AAK1: variants seen among roughly 807,000 people sequenced by gnomAD.
The protein encoded by AAK1 is AP2-associated protein kinase 1.
In AAK1, 37 loss-of-function variants were observed where a neutral mutation model predicts 116.0. That is an observed-to-expected ratio of 0.32 (90% CI 0.25 to 0.42). AAK1 has a LOEUF of 0.42. Ranked by LOEUF, AAK1 falls within the 10% of genes least tolerant of loss-of-function variation. AAK1 has a pLI of 1.00. For missense variants in AAK1, 919 were observed against 1,170.6 expected (o/e 0.79, Z 3.14); for synonymous variants, 458 against 439.9 (o/e 1.04, Z -0.51).
At chr2:69,641,726 A>G (rs1256908498) in intron 2 of AAK1, among the ~76,000 whole-genome samples, 2 of 152,154 alleles carry the variant, frequency 1.3e-5, no homozygotes, top group Non-Finnish European at 2.9e-5. Flanking sequence ...GGCCCAGGTC[A>G]GGACCCTTGC....
At chr2:69,548,658 G>A (rs1671034533) in intron 3 of AAK1, among the ~76,000 whole-genome samples, 1 of 151,266 alleles carries the variant, frequency 6.6e-6, no homozygotes, top group South Asian at 2.1e-4. Context: ...AGGCTGGAGT[G>A]CAGTGGCACA....
At chr2:69,621,273 C>A (rs1038949649) in intron 2 of AAK1, among the ~76,000 whole-genome samples, 1 of 152,128 alleles carries the variant, frequency 6.6e-6, no homozygotes, top group Non-Finnish European at 1.5e-5. Context: ...GTCGGGAGTT[C>A]GAGACCAGCT....
At position 69,643,084 on chromosome 2, in the gene AAK1, G is replaced by GAT. The variant is rs1319643997; in HGVS notation, c.-46_-45dup. ...CAAAGCAAAATACCGATGGTTTCTA[G>GAT]ATTTTTTTTTTTTTTTTTTTTTTTT... On this transcript the variant is annotated 5_prime_UTR_variant, in exon 2 of 22. Transcript: ENST00000409085. 1.8e-5 allele frequency: 19 copies of GAT among 1,057,316 alleles called. No individual in the cohort carries two copies. Among genetic ancestry groups the GAT allele is most frequent in the Non-Finnish European group, 2.2e-5 (18 of 820,800 alleles). The allele number at this position is 1,057,316 out of a possible 1,614,324, so 65.5% of individuals were successfully genotyped here.
At position 69,532,028 on chromosome 2, in the gene AAK1, A is replaced by T; in HGVS notation, c.656+13T>A. ...ATTGTGGACAAAACTCCATGAAAGGAGAAAAAGCTTACTTCTTAATCTCAT... is the reference window on the plus strand; with the variant it reads ...ATTGTGGACAAAACTCCATGAAAGGTGAAAAAGCTTACTTCTTAATCTCAT... On this transcript the variant is annotated intron_variant, in intron 6 of 21. Coordinates refer to ENST00000409085, the MANE Select transcript of AAK1 (RefSeq NM_014911.5). 6.2e-7 allele frequency: 1 copy of T among 1,612,528 alleles called. No homozygotes were observed. The highest frequency in any genetic ancestry group is 1.3e-5 in the African/African-American group (1 of 74,974).
chr2:69,614,859 G>A (rs1674252979), intron 2 of AAK1, among the ~76,000 whole-genome samples: 1 of 152,108 alleles, frequency 6.6e-6, no homozygotes, highest in African/African-American at 2.4e-5. Context: ...TGGAGTGATG[G>A]AGCCACAAAC....
chr2:69,477,110 G>A, intron 20 of AAK1, 120 bp from the exon 21 acceptor site: 1 of 570,426 alleles, frequency 1.8e-6, no homozygotes, highest in South Asian at 3.2e-5. Flanking sequence ...AAAGGTGAAA[G>A]GATTTATCTT....
intron 2 of AAK1, among the ~76,000 whole-genome samples, chr2:69,577,588 C>A (rs2105135122): frequency 6.6e-6 from 1 of 152,320 alleles, no homozygotes; most frequent in South Asian, 2.1e-4. Flanking sequence ...CAGTGGAGAT[C>A]ATTTCCCAGA....
intron 2 of AAK1, among the ~76,000 whole-genome samples, chr2:69,608,240 T>A (rs752280861): frequency 1.3e-5 from 2 of 152,184 alleles, no homozygotes; most frequent in Non-Finnish European, 2.9e-5. Flanking sequence ...CCAACAGCTT[T>A]CCTCAGAGCC....
At position 69,472,634 on chromosome 2, in the gene AAK1, T is replaced by C. The variant is rs1674717549; in HGVS notation, c.*3235A>G. ...CTGAGGTATGTATTTTTGAAAACATTGGGACTCATTTGAATGTTGTAAAGG... is the reference window on the plus strand; with the variant it reads ...CTGAGGTATGTATTTTTGAAAACATCGGGACTCATTTGAATGTTGTAAAGG... On this transcript the variant is annotated 3_prime_UTR_variant, in exon 22 of 22. Transcript: ENST00000409085. 2.0e-6 allele frequency: 2 copies of C among 985,312 alleles called. No individual in the cohort carries two copies. The highest frequency in any genetic ancestry group is 1.7e-5 in the African/African-American group (1 of 57,244). 61.0% of individuals were successfully genotyped at this position (985,312 alleles called of 1,614,324 possible).
In AAK1 at chr2:69,532,135, C is replaced by G; in HGVS notation, c.562G>C (p.Gly188Arg). Reference sequence around the variant, plus strand: ...CCAAAGTCACACAGGACATAGTGGCCTCGGTCATGCAAGAGGATGTTTTCA... The same window carrying G: ...CCAAAGTCACACAGGACATAGTGGCGTCGGTCATGCAAGAGGATGTTTTCA... ...KVENILLHDR[G>R]HYVLCDFGSA... The change falls in exon 6 of 22, where the codon GGC (glycine) becomes CGC (arginine). Residue 188 changes from glycine (G) to arginine (R), a missense_variant. Physicochemically the swap from Gly to Arg is moderately radical, Grantham distance 125 (BLOSUM62 -2). Transcript: ENST00000409085. 6.2e-7 allele frequency: 1 copy of G among 1,613,566 alleles called. No individual in the cohort carries two copies. Among genetic ancestry groups the G allele is most frequent in the Non-Finnish European group, 8.5e-7 (1 of 1,179,614 alleles).
intron 2 of AAK1, among the ~76,000 whole-genome samples, chr2:69,571,316 A>G (rs1178742121): frequency 6.6e-6 from 1 of 152,214 alleles, no homozygotes; most frequent in Admixed American, 6.5e-5. Flanking sequence ...CTACACAACC[A>G]TGTAGACTAG....
intron 2 of AAK1, among the ~76,000 whole-genome samples, chr2:69,566,138 C>T (rs954271251): frequency 1.3e-5 from 2 of 152,182 alleles, no homozygotes; most frequent in South Asian, 2.1e-4. Context: ...TGAGCTCCCA[C>T]AAGGAATGAC....
chr2:69,560,056 A>C (rs1386746333), intron 2 of AAK1, among the ~76,000 whole-genome samples: 1 of 152,234 alleles, frequency 6.6e-6, no homozygotes, highest in Non-Finnish European at 1.5e-5. Context: ...GAATCACTTT[A>C]CTTAACACAG....
intron 16 of AAK1, among the ~76,000 whole-genome samples, chr2:69,497,032 T>C (rs1383939090): frequency 6.6e-6 from 1 of 152,212 alleles, no homozygotes; most frequent in Non-Finnish European, 1.5e-5. Flanking sequence ...CTCAGAATTT[T>C]CTGGCACAAT....
At chr2:69,585,519 G>C (rs1672727110) in intron 2 of AAK1, among the ~76,000 whole-genome samples, 1 of 152,158 alleles carries the variant, frequency 6.6e-6, no homozygotes, top group Non-Finnish European at 1.5e-5. Context: ...GGCTGGCCTA[G>C]GAGCTTGGTG....
intron 10 of AAK1, 104 bp downstream of exon 10, chr2:69,524,929 G>T: frequency 1.8e-6 from 2 of 1,132,204 alleles, no homozygotes; most frequent in Non-Finnish European, 2.6e-6. Flanking sequence ...GATCTGTGCA[G>T]CCCCTGGTCA....
chr2:69,603,795 G>A lies in AAK1; in HGVS notation c.163+39083C>T, dbSNP rs148378418. On this transcript the variant is annotated intron_variant, in intron 2 of 21. Transcript: ENST00000409085. ...CTTTGCAGGCTACACAGCGTAAGGA[G>A]CATATTATTTAGAGAACATTTGTGT... Among the ~76,000 whole-genome samples, 819 of 152,214 alleles carry A rather than the reference G, an allele frequency of 5.4e-3. 9 individuals carry two copies. The highest frequency in any genetic ancestry group is 0.019 in the African/African-American group (777 of 41,516).
intron 2 of AAK1, among the ~76,000 whole-genome samples, chr2:69,601,638 A>G (rs898755578): frequency 6.6e-6 from 1 of 152,140 alleles, no homozygotes; most frequent in African/African-American, 2.4e-5. Flanking sequence ...TAACCTTTGC[A>G]AAGACAAAAC....
At chr2:69,488,342 AAGAT>A (rs929838239) in intron 17 of AAK1, among the ~76,000 whole-genome samples, 5 of 152,162 alleles carry the variant, frequency 3.3e-5, no homozygotes, top group Admixed American at 1.3e-4. Context: ...GTTATAAAAA[AAGAT>A]AGAGAGTATC....
Sources: allele counts gnomAD v4.1 joint callset (sites outside exome capture counted in the v4.1 genomes callset), GRCh38; gene constraint gnomAD v4.1.1; transcripts MANE v1.5; gene names NCBI Gene and HGNC (gene_info 2026-07-23, HGNC 2026-07-21).